RFC1: variants seen among roughly 807,000 people sequenced by gnomAD.
RFC1 encodes the protein replication factor C subunit 1.
In RFC1, 37 loss-of-function variants were observed where a neutral mutation model predicts 137.4. The ratio of observed to expected loss-of-function variants is 0.27; its 90% confidence interval spans 0.21 to 0.35. RFC1 has a LOEUF of 0.35. Ranked by LOEUF, RFC1 falls within the 10% of genes least tolerant of loss-of-function variation. The pLI is 1.00. For synonymous variants in RFC1, 429 were observed against 455.7 expected (o/e 0.94, Z 0.75); for missense variants, 1,205 against 1,358.5 (o/e 0.89, Z 1.78).
chr4:39,336,183 G>A (rs1297194664), intron 4 of RFC1, among the ~76,000 whole-genome samples: 5 of 152,082 alleles, frequency 3.3e-5, no homozygotes, highest in African/African-American at 1.2e-4. Flanking sequence ...TTATAAGAAA[G>A]CATCTAGCTC....
chr4:39,337,642 T>C (rs905797891), intron 4 of RFC1, among the ~76,000 whole-genome samples: 8 of 152,266 alleles, frequency 5.3e-5, no homozygotes, highest in African/African-American at 1.7e-4. Context: ...CCTTTATCAC[T>C]CTAGGTTTCC....
chr4:39,330,773 C>A (rs1035642994), intron 4 of RFC1, among the ~76,000 whole-genome samples: 16 of 152,178 alleles, frequency 1.1e-4, no homozygotes, highest in African/African-American at 3.4e-4. Context: ...GTCAATCTAC[C>A]GTCAAGCTTT....
intron 4 of RFC1, among the ~76,000 whole-genome samples, chr4:39,330,008 T>C (rs1170672948): frequency 6.6e-6 from 1 of 152,066 alleles, no homozygotes; most frequent in Admixed American, 6.6e-5. Context: ...CACTCCAGCC[T>C]GGGCGACAGA....
chr4:39,333,232 A>ATT (rs1053086402), intron 4 of RFC1, among the ~76,000 whole-genome samples: 1 of 152,166 alleles, frequency 6.6e-6, no homozygotes, highest in Non-Finnish European at 1.5e-5. Flanking sequence ...TTTTTTTAAT[A>ATT]TTATACACAA....
rs896111059 is a variant in RFC1, at chr4:39,316,970, C to T, written c.1148G>A (p.Arg383Gln). ...GGGACCTTCTCGATTTAAGTAGCTT[C>T]GATAAGCTTGATAATTAGTGCGTTT... ...EKKRTNYQAY[R>Q]SYLNREGPKA... Residue 383 changes from arginine to glutamine, a missense_variant, in exon 10 of 25, where the codon CGA becomes CAA. This residue lies in a region of RFC1 where 962 missense variants were observed against 1,035.3 expected (regional missense o/e 0.93). Coordinates refer to ENST00000349703, the MANE Select transcript of RFC1 (RefSeq NM_002913.5). 6.8e-6 allele frequency: 11 copies of T among 1,613,870 alleles called. No individual in the cohort carries two copies. In the African/African-American group the frequency reaches 8.0e-5, roughly 12 times the overall value.
chr4:39,299,851 G>C (rs1023453688), intron 21 of RFC1, among the ~76,000 whole-genome samples, 170 bp downstream of exon 21: 2 of 151,922 alleles, frequency 1.3e-5, no homozygotes, highest in African/African-American at 4.8e-5. Flanking sequence ...GGAGGCAGAG[G>C]CTCCAGTGAG....
intron 1 of RFC1, among the ~76,000 whole-genome samples, 156 bp from the exon 2 acceptor site, chr4:39,351,632 T>C (rs1357616511): frequency 6.6e-6 from 1 of 152,198 alleles, no homozygotes; most frequent in African/African-American, 2.4e-5. Flanking sequence ...TTTCTTTTCA[T>C]GTGCAAAAGT....
Position 39,342,428 on chromosome 4 carries a change from T to C in RFC1, c.248A>G (p.Lys83Arg). The part of the protein sequence containing the change: ...SEETLQVKNA[K>R]KPPEKLPVSS... ...TACTGGCAGTTTTTCTGGTGGCTTT[T>C]TGGCATTTTTTACCTGCAACGTCTC... The change falls in exon 4 of 25, where the codon AAA (lysine) becomes AGA (arginine). Residue 83 changes from lysine to arginine, a missense_variant. Transcript: ENST00000349703. The C allele has an allele frequency of 6.2e-7, 1 of 1,613,538 alleles. No individual in the cohort carries two copies. Among genetic ancestry groups the C allele is most frequent in the Non-Finnish European group, 8.5e-7 (1 of 1,179,608 alleles).
At chr4:39,357,221 A>G (rs1560625648) in intron 1 of RFC1, among the ~76,000 whole-genome samples, 1 of 152,058 alleles carries the variant, frequency 6.6e-6, no homozygotes, top group Non-Finnish European at 1.5e-5. Context: ...TCCCCTACTC[A>G]CCCCAGTATC....
chr4:39,346,355 A>G (rs1560618344), intron 2 of RFC1, among the ~76,000 whole-genome samples: 1 of 152,168 alleles, frequency 6.6e-6, no homozygotes. Flanking sequence ...ACATGCCTGT[A>G]ATCCCAGCTA....
intron 2 of RFC1, among the ~76,000 whole-genome samples, chr4:39,347,546 AAAAC>A (rs1019459731): frequency 5.3e-5 from 8 of 152,236 alleles, no homozygotes; most frequent in Admixed American, 1.3e-4. Context: ...ATACTACTAT[AAAAC>A]AAACAAACAA....
Position 39,321,385 on chromosome 4 carries a change from T to G in RFC1, c.721-11A>C, listed in dbSNP as rs1253951538. On this transcript the variant is annotated splice_polypyrimidine_tract_variant and intron_variant, in intron 7 of 24. Coordinates refer to ENST00000349703, the MANE Select transcript of RFC1 (RefSeq NM_002913.5). ...TGTGTCCTTTCGAGCCTAAACAAAT[T>G]TTAAAAGTGTCAAATGTGACAAATA... The G allele has an allele frequency of 6.2e-7, 1 of 1,608,982 alleles. No homozygotes were observed.
chr4:39,309,002 G>T lies in RFC1; in HGVS notation c.1519C>A (p.Pro507Thr). The change falls in exon 13 of 25, where the codon CCC becomes ACC. Residue 507 changes from proline to threonine, a missense_variant. Pro to Thr is a conservative substitution (Grantham distance 38). Around this residue, in one of 3 missense-constraint regions of RFC1, gnomAD observed 962 missense variants for 1,035.3 expected, o/e 0.93. Coordinates refer to ENST00000349703, the MANE Select transcript of RFC1 (RefSeq NM_002913.5). ...CTTTTTCCTTGGACATTTTTTTGGGGTGTTCTCTCCAGTTTGGACTCTTTC... is the reference window on the plus strand; with the variant it reads ...CTTTTTCCTTGGACATTTTTTTGGGTTGTTCTCTCCAGTTTGGACTCTTTC... ...MKKESKLERTPQKNVQGKRKI... is the reference protein window; with the variant it reads ...MKKESKLERTTQKNVQGKRKI... 7 of 1,610,360 alleles carry T rather than the reference G, an allele frequency of 4.3e-6. No individual in the cohort carries two copies. Among genetic ancestry groups the T allele is most frequent in the South Asian group, 1.1e-5 (1 of 90,134 alleles).
intron 10 of RFC1, among the ~76,000 whole-genome samples, chr4:39,315,401 C>A (rs1276196378): frequency 6.6e-6 from 1 of 152,262 alleles, no homozygotes; most frequent in Admixed American, 6.5e-5. Flanking sequence ...TTCTACTTCA[C>A]AAAGAAGCAG....
rs1737463865 is a variant in RFC1 at position 39,288,011 on chromosome 4, A to T, written c.*750T>A. ...GCATGAAATCCTATTCACAGCAGAGACGTGGTCAACACACACAGAGGGAGT... is the reference window on the plus strand; with the variant it reads ...GCATGAAATCCTATTCACAGCAGAGTCGTGGTCAACACACACAGAGGGAGT... On this transcript the variant is annotated 3_prime_UTR_variant, in exon 25 of 25. Coordinates refer to ENST00000349703, the MANE Select transcript of RFC1 (RefSeq NM_002913.5). 6.6e-6 allele frequency: 1 copy of T among 152,232 alleles called. No individual in the cohort carries two copies. The highest frequency in any genetic ancestry group is 1.5e-5 in the Non-Finnish European group (1 of 68,060). 9.4% of individuals were successfully genotyped at this position (152,232 alleles called of 1,614,324 possible).
At chr4:39,325,031 CCTT>C (rs1206017819) in intron 6 of RFC1, among the ~76,000 whole-genome samples, 1 of 152,204 alleles carries the variant, frequency 6.6e-6, no homozygotes, top group African/African-American at 2.4e-5. Flanking sequence ...TCTCTCCTCT[CCTT>C]TGCTGGATCA....
At position 39,304,862 on chromosome 4, in the gene RFC1, T is replaced by A. The variant is rs1472514752; in HGVS notation, c.2062A>T (p.Ile688Phe). Residue 688 changes from isoleucine (I) to phenylalanine (F), a missense_variant, in exon 15 of 25, where the codon ATT becomes TTT. Physicochemically the swap from Ile to Phe is conservative, Grantham distance 21. Transcript: ENST00000349703. ...DTRSKSSLKA[I>F]VAESLNNTSI... The stretch of plus-strand genomic sequence containing the variant: ...GTATTGTTCAGTGACTCAGCAACAA[T>A]CGCCTTCAAACTGCTCTTACTCCGG... 1.2e-6 allele frequency: 2 copies of A among 1,613,656 alleles called. No individual in the cohort carries two copies. Among genetic ancestry groups the A allele is most frequent in the African/African-American group, 2.7e-5 (2 of 74,906 alleles).
chr4:39,321,371 G>A lies in RFC1; in HGVS notation c.724C>T (p.Arg242Ter), dbSNP rs760191657. The A allele has an allele frequency of 6.2e-7, 1 of 1,612,072 alleles. No homozygotes were observed. Among genetic ancestry groups the A allele is most frequent in the South Asian group, 1.1e-5 (1 of 90,540 alleles). Residue 242 changes from arginine to a stop codon, truncating the protein, a stop_gained, in exon 8 of 25, where the codon CGA becomes TGA. Coordinates refer to ENST00000349703, the MANE Select transcript of RFC1 (RefSeq NM_002913.5). LOFTEE classifies it high-confidence loss of function. Reference protein sequence around the residue: ...LDEEPKTKKARKDTEAGETFS... With the variant: ...LDEEPKTKKA ...GTTTCTCCCGCTTCTGTGTCCTTTC[G>A]AGCCTAAACAAATTTTAAAAGTGTC...
chr4:39,303,222 T>C, intron 15 of RFC1, 71 bp from the exon 16 acceptor site: 1 of 966,398 alleles, frequency 1.0e-6, no homozygotes, highest in Non-Finnish European at 1.7e-6. Context: ...TGCTGCTCTG[T>C]AGAAAATTAT....
Sources: allele counts gnomAD v4.1 joint callset (sites outside exome capture counted in the v4.1 genomes callset), GRCh38; gene constraint gnomAD v4.1.1; regional missense constraint gnomAD v4.1.1; transcripts MANE v1.5; gene names NCBI Gene and HGNC (gene_info 2026-07-23, HGNC 2026-07-21).